The following KCNQ1OT1 variants were observed in gnomAD, a reference collection of about 807,000 sequenced individuals.
KCNQ1OT1 encodes the protein KCNQ1 opposite strand/antisense transcript 1, also known as KCNQ1 antisense RNA 2 (non-protein coding).
At chr11:2,699,670 A>AACCGCGCCGAAGAACCCCCGGGGAGG (rs1850753230) in exon 1 of KCNQ1OT1, 2 of 350,742 alleles carry the variant, frequency 5.7e-6, no homozygotes, top group African/African-American at 2.2e-5. Flanking sequence ...CCCCGGGGAG[A>AACCGCGCCGAAGAACCCCCGGGGAGG]ACCGCGCCGA....
Position 2,617,587 on chromosome 11 carries a change from G to A in KCNQ1OT1, n.82408C>T. ...TCTTTGGGAATATACCTAGAAGAGGGATTAGTGGGTCAGATGATAGTATAT... is the reference window on the plus strand; with the variant it reads ...TCTTTGGGAATATACCTAGAAGAGGAATTAGTGGGTCAGATGATAGTATAT... On this transcript the variant is annotated non_coding_transcript_exon_variant, in exon 1 of 1. Transcript: ENST00000597346. This position sits in a 1 kb window ranked among gnomAD's most constrained non-coding sequence, Gnocchi z 4.6. 1 of 398,372 alleles carries A rather than the reference G, an allele frequency of 2.5e-6. No homozygotes were observed. Among genetic ancestry groups the A allele is most frequent in the East Asian group, 3.6e-5 (1 of 28,058 alleles). 24.7% of individuals were successfully genotyped at this position (398,372 alleles called of 1,614,324 possible). A position where few individuals can be genotyped will look rare whatever the true frequency, so the allele number is the denominator to read the frequency against.
exon 1 of KCNQ1OT1, chr11:2,639,842 AG>A (rs1849540756): frequency 6.6e-6 from 1 of 152,486 alleles, no homozygotes; most frequent in Non-Finnish European, 1.5e-5. Flanking sequence ...GGCCTCCTTG[AG>A]CTGTGGTGGA....
Position 2,661,660 on chromosome 11 carries a change from A to G in KCNQ1OT1, n.38335T>C. The G allele has an allele frequency of 3.4e-6, 2 of 594,718 alleles. No homozygotes were observed. The highest frequency in any genetic ancestry group is 2.8e-5 in the East Asian group (1 of 36,264). 36.8% of individuals were successfully genotyped at this position (594,718 alleles called of 1,614,324 possible). On this transcript the variant is annotated non_coding_transcript_exon_variant, in exon 1 of 1. Transcript: ENST00000597346. The surrounding 1 kb of genome is among the most constrained non-coding windows in gnomAD (Gnocchi z 5.9). ...AAGTGTCAGTTGTGAACATGGGAAG[A>G]GGCCCAGAACCTGAGGTGGGGAGAG...
At chr11:2,666,747 A>G (rs1850077600) in exon 1 of KCNQ1OT1, 1 of 398,806 alleles carries the variant, frequency 2.5e-6, no homozygotes, top group East Asian at 3.6e-5. Context: ...GGTACCAGGC[A>G]CTGCAGCTCT....
chr11:2,686,182 A>G (rs1850486693), exon 1 of KCNQ1OT1: 1 of 398,738 alleles, frequency 2.5e-6, no homozygotes, highest in East Asian at 3.6e-5. Context: ...AGCAATGCCT[A>G]CTCATCCTGC....
Position 2,699,718 on chromosome 11 carries a change from G to C in KCNQ1OT1, n.277C>G, listed in dbSNP as rs534728847. ...GCCCCGAGGAGAACGGCGCCGAGGA[G>C]TCCCCGGGGAGAACTGCGCCGAGGA... On this transcript the variant is annotated non_coding_transcript_exon_variant, in exon 1 of 1. Coordinates refer to ENST00000597346, the Ensembl canonical transcript of KCNQ1OT1. The C allele has an allele frequency of 6.4e-4, 183 of 285,424 alleles. No individual in the cohort carries two copies. Among genetic ancestry groups the C allele is most frequent in the Non-Finnish European group, 1.0e-3 (170 of 169,126 alleles). 17.7% of individuals were successfully genotyped at this position (285,424 alleles called of 1,614,324 possible).
rs975740830 is a variant in KCNQ1OT1, at chr11:2,671,581, T to C, written n.28414A>G. 5.0e-6 allele frequency: 2 copies of C among 398,654 alleles called. No individual in the cohort carries two copies. Among genetic ancestry groups the C allele is most frequent in the African/African-American group, 2.1e-5 (1 of 48,754 alleles). 24.7% of individuals were successfully genotyped at this position (398,654 alleles called of 1,614,324 possible). On this transcript the variant is annotated non_coding_transcript_exon_variant, in exon 1 of 1. Transcript: ENST00000597346. This position sits in a 1 kb window ranked among gnomAD's most constrained non-coding sequence, Gnocchi z 4.7. ...CTAAGTCTTTGGCACTGAGCATTTA[T>C]ACAAGATCAGACTGCACTGCACCCT...
Position 2,627,952 on chromosome 11 carries a change from A to G in KCNQ1OT1, n.72043T>C, listed in dbSNP as rs945804015. The G allele has an allele frequency of 1.3e-5, 5 of 398,378 alleles. No individual in the cohort carries two copies. Among genetic ancestry groups the G allele is most frequent in the South Asian group, 1.3e-4 (1 of 7,848 alleles). The allele number at this position is 398,378 out of a possible 1,614,324, so 24.7% of individuals were successfully genotyped here. ...TTTTATGTAGAGATAGGGTATCACTATGTTTCCTAGGCTGGTCTCAAACTC... is the reference window on the plus strand; with the variant it reads ...TTTTATGTAGAGATAGGGTATCACTGTGTTTCCTAGGCTGGTCTCAAACTC... On this transcript the variant is annotated non_coding_transcript_exon_variant, in exon 1 of 1. Coordinates refer to ENST00000597346, the Ensembl canonical transcript of KCNQ1OT1. The surrounding 1 kb of genome is among the most constrained non-coding windows in gnomAD (Gnocchi z 4.9).
exon 1 of KCNQ1OT1, chr11:2,666,473 G>A (rs779582430): frequency 1.3e-5 from 5 of 398,528 alleles, no homozygotes; most frequent in Non-Finnish European, 1.8e-5. Flanking sequence ...AGAATCTCAC[G>A]CCAAGACATT....
exon 1 of KCNQ1OT1, chr11:2,609,029 T>C: frequency 2.5e-6 from 1 of 398,444 alleles, no homozygotes. Context: ...CTATATTTTA[T>C]TTCTACTCTA....
At position 2,652,441 on chromosome 11, in the gene KCNQ1OT1, T is replaced by C. The variant is rs1209150508; in HGVS notation, n.47554A>G. On this transcript the variant is annotated non_coding_transcript_exon_variant, in exon 1 of 1. Coordinates refer to ENST00000597346, the Ensembl canonical transcript of KCNQ1OT1. The surrounding 1 kb of genome is among the most constrained non-coding windows in gnomAD (Gnocchi z 5.9). ...TTGTCTTGAAAATCAAGGCCACTTT[T>C]TTGTTTTCTCCATCCAAAGACCTCC... The C allele has an allele frequency of 7.5e-6, 3 of 398,544 alleles. No homozygotes were observed. The highest frequency in any genetic ancestry group is 1.3e-5 in the Non-Finnish European group (3 of 226,082). 24.7% of individuals were successfully genotyped at this position (398,544 alleles called of 1,614,324 possible).
At chr11:2,697,156 A>G in exon 1 of KCNQ1OT1, 1 of 398,626 alleles carries the variant, frequency 2.5e-6, no homozygotes, top group Non-Finnish European at 4.4e-6. Context: ...CCAGTGGAAT[A>G]TGTGCTTGTA....
rs890663540 is a variant in KCNQ1OT1 at position 2,654,427 on chromosome 11, G to A, written n.45568C>T. 5.0e-6 allele frequency: 2 copies of A among 398,720 alleles called. No individual in the cohort carries two copies. The highest frequency in any genetic ancestry group is 4.4e-6 in the Non-Finnish European group (1 of 226,154). 24.7% of individuals were successfully genotyped at this position (398,720 alleles called of 1,614,324 possible). A position where few individuals can be genotyped will look rare whatever the true frequency, so the allele number is the denominator to read the frequency against. ...CCAAACCCTGGGGAGACATGGGTGAGGCAGAAGGCAAGGTTCCCGTGCTGA... is the reference window on the plus strand; with the variant it reads ...CCAAACCCTGGGGAGACATGGGTGAAGCAGAAGGCAAGGTTCCCGTGCTGA... On this transcript the variant is annotated non_coding_transcript_exon_variant, in exon 1 of 1. Coordinates refer to ENST00000597346, the Ensembl canonical transcript of KCNQ1OT1. This position sits in a 1 kb window ranked among gnomAD's most constrained non-coding sequence, Gnocchi z 6.4.
chr11:2,611,501 T>G lies in KCNQ1OT1; in HGVS notation n.88494A>C. On this transcript the variant is annotated non_coding_transcript_exon_variant, in exon 1 of 1. Transcript: ENST00000597346. This position sits in a 1 kb window ranked among gnomAD's most constrained non-coding sequence, Gnocchi z 5.3. ...TGCTGGGATTACAGGTGTGAGCCAC[T>G]GCACCCAGCCAATTTTGTCTGATTT... is the stretch of plus-strand genomic sequence containing the variant. 1 of 398,386 alleles carries G rather than the reference T, an allele frequency of 2.5e-6. No individual in the cohort carries two copies. The allele number at this position is 398,386 out of a possible 1,614,324, so 24.7% of individuals were successfully genotyped here.
In KCNQ1OT1 at chr11:2,690,387, C is replaced by A. The variant is rs1850568766; in HGVS notation, n.9608G>T. On this transcript the variant is annotated non_coding_transcript_exon_variant, in exon 1 of 1. Transcript: ENST00000597346. The surrounding 1 kb of genome is among the most constrained non-coding windows in gnomAD (Gnocchi z 5.1). ...TACTTGGCATGGAACATGTGCCAGA[C>A]CAAAAGAGCTATCTCTCTCCCTGCG... The A allele has an allele frequency of 2.5e-6, 1 of 398,538 alleles. No individual in the cohort carries two copies. Among genetic ancestry groups the A allele is most frequent in the African/African-American group, 2.1e-5 (1 of 48,626 alleles). 24.7% of individuals were successfully genotyped at this position (398,538 alleles called of 1,614,324 possible). A position where few individuals can be genotyped will look rare whatever the true frequency, so the allele number is the denominator to read the frequency against.
rs549680890 is a variant in KCNQ1OT1, at chr11:2,679,146, G to A, written n.20849C>T. On this transcript the variant is annotated non_coding_transcript_exon_variant, in exon 1 of 1. Transcript: ENST00000597346. This position sits in a 1 kb window ranked among gnomAD's most constrained non-coding sequence, Gnocchi z 4.8. ...AGGCCAAAATGGTTTCATGGCATGAGTTGGGCAGCAGCGACTCAGTTTCCA... is the reference window on the plus strand; with the variant it reads ...AGGCCAAAATGGTTTCATGGCATGAATTGGGCAGCAGCGACTCAGTTTCCA... The A allele has an allele frequency of 7.5e-6, 3 of 398,646 alleles. No homozygotes were observed. In the East Asian group the frequency reaches 1.1e-4, roughly 14 times the overall value. 24.7% of individuals were successfully genotyped at this position (398,646 alleles called of 1,614,324 possible).
rs1244746233 is a variant in KCNQ1OT1, at chr11:2,664,922, C to T, written n.35073G>A. ...GTTTCCATCTCGAGCTCTCCCCGCC[C>T]GCAGGGCCCCAGAGAGGTGAGGTCA... On this transcript the variant is annotated non_coding_transcript_exon_variant, in exon 1 of 1. Transcript: ENST00000597346. This position sits in a 1 kb window ranked among gnomAD's most constrained non-coding sequence, Gnocchi z 5.1. 5 of 398,492 alleles carry T rather than the reference C, an allele frequency of 1.3e-5. No individual in the cohort carries two copies. Among genetic ancestry groups the T allele is most frequent in the South Asian group, 1.3e-4 (1 of 7,868 alleles). 24.7% of individuals were successfully genotyped at this position (398,492 alleles called of 1,614,324 possible). A position where few individuals can be genotyped will look rare whatever the true frequency, so the allele number is the denominator to read the frequency against.
At chr11:2,614,651 T>G in exon 1 of KCNQ1OT1, 4 of 398,476 alleles carry the variant, frequency 1.0e-5, no homozygotes, top group Non-Finnish European at 1.8e-5. Context: ...CCCACTGAAT[T>G]CTTGATACAT....
At chr11:2,641,284 T>G (rs1849572689) in exon 1 of KCNQ1OT1, 1 of 398,342 alleles carries the variant, frequency 2.5e-6, no homozygotes, top group Admixed American at 4.4e-5. Context: ...CAACAGTGTA[T>G]AAGAGTTCCC....
Sources: allele counts gnomAD v4.1 joint callset, GRCh38; gene constraint gnomAD v4.1.1; non-coding constraint Gnocchi (gnomAD v3.1); transcripts MANE v1.5; gene names NCBI Gene and HGNC (gene_info 2026-07-23, HGNC 2026-07-21).